Variants in INSM2 observed in about 807,000 individuals in gnomAD.
INSM2 encodes insulinoma-associated protein 2.
A neutral mutation model predicts 30.5 loss-of-function variants in INSM2; 12 were observed. The ratio of observed to expected loss-of-function variants is 0.39; its 90% CI spans 0.25 to 0.64. The LOEUF is 0.64. Ranked by LOEUF, INSM2 falls within the 30% of genes least tolerant of loss-of-function variation. INSM2 has a pLI of 0.47. For missense variants in INSM2, 773 were observed against 819.2 expected (o/e 0.94, Z 0.69); for synonymous variants, 418 against 383.7 (o/e 1.09, Z -1.05).
Position 35,536,061 on chromosome 14 carries a change from GT to G in INSM2, c.*112del, listed in dbSNP as rs2053597396. The stretch of plus-strand genomic sequence containing the variant: ...CAAGTTTACTTTCATTCCTTCCTAT[GT>G]TTTAATCCCCTAAAATTCTCCCTGT... On this transcript the variant is annotated 3_prime_UTR_variant, in exon 1 of 1. Coordinates refer to ENST00000307169, the MANE Select transcript of INSM2 (RefSeq NM_032594.4). The G allele has an allele frequency of 5.2e-6, 7 of 1,356,452 alleles. No homozygotes were observed. Among genetic ancestry groups the G allele is most frequent in the Non-Finnish European group, 7.1e-6 (7 of 989,826 alleles). The allele number at this position is 1,356,452 out of a possible 1,614,324, so 84.0% of individuals were successfully genotyped here. A position where few individuals can be genotyped will look rare whatever the true frequency, so the allele number is the denominator to read the frequency against.
rs1273558407 is a variant in INSM2 at position 35,535,713 on chromosome 14, G to A, written c.1461G>A (p.Lys487=). 1 of 1,613,384 alleles carries A rather than the reference G, an allele frequency of 6.2e-7. No homozygotes were observed. Among genetic ancestry groups the A allele is most frequent in the Admixed American group, 1.7e-5 (1 of 60,036 alleles). The change falls in exon 1 of 1, where the codon AAG becomes AAA. Residue 487 remains lysine (K), a synonymous_variant. Transcript: ENST00000307169. ...AHFPTADIRE[K]HRLWHAVREE... is the part of the protein sequence containing the mutation. ...TCCCTACAGCAGATATCAGGGAGAA[G>A]CACCGGCTGTGGCATGCTGTCCGCG...
chr14:35,535,395 CG>C lies in INSM2; in HGVS notation c.1144del (p.Ala382ProfsTer9), dbSNP rs2053590148. On this transcript the variant is annotated frameshift_variant, in exon 1 of 1. Transcript: ENST00000307169. LOFTEE classifies it high-confidence loss of function. ...SSGADQHPDS[A>X]PRQGLQVLTH... ...CCGGGGCGGATCAGCACCCGGACAGCGCCCCGAGGCAGGGCCTCCAGGTGCT... is the reference window on the plus strand; with the variant it reads ...CCGGGGCGGATCAGCACCCGGACAGCCCCCGAGGCAGGGCCTCCAGGTGCT... 6.2e-7 allele frequency: 1 copy of C among 1,611,302 alleles called. No individual in the cohort carries two copies. Among genetic ancestry groups the C allele is most frequent in the Non-Finnish European group, 8.5e-7 (1 of 1,179,094 alleles).
In INSM2 at chr14:35,534,510, G is replaced by T. The variant is rs1237824356; in HGVS notation, c.258G>T (p.Thr86=). The change falls in exon 1 of 1, where the codon ACG becomes ACT. Residue 86 remains threonine (T), a synonymous_variant. Transcript: ENST00000307169. The stretch of plus-strand genomic sequence containing the variant: ...GGGCGGCTGGGGTGAGCCCGGGGAC[G>T]GGCGGGCGGGAAGGCGCGGAGTGGC... ...PCRAAGVSPG[T]GGREGAEWRA... 15 of 1,412,560 alleles carry T rather than the reference G, an allele frequency of 1.1e-5. No homozygotes were observed. Among genetic ancestry groups the T allele is most frequent in the East Asian group, 3.0e-5 (1 of 33,886 alleles). The allele number at this position is 1,412,560 out of a possible 1,614,324, so 87.5% of individuals were successfully genotyped here. A position where few individuals can be genotyped will look rare whatever the true frequency, so the allele number is the denominator to read the frequency against.
In INSM2 at chr14:35,534,768, C is replaced by T. The variant is rs776103145; in HGVS notation, c.516C>T (p.Phe172=). 9 of 1,416,200 alleles carry T rather than the reference C, an allele frequency of 6.4e-6. No individual in the cohort carries two copies. In the East Asian group the frequency reaches 2.4e-4, roughly 37 times the overall value. The allele number at this position is 1,416,200 out of a possible 1,614,324, so 87.7% of individuals were successfully genotyped here. The change falls in exon 1 of 1, where the codon TTC becomes TTT. Residue 172 remains phenylalanine (F), a synonymous_variant. Coordinates refer to ENST00000307169, the MANE Select transcript of INSM2 (RefSeq NM_032594.4). ...TTCTGCTGCCGCTTCGGGCGCCGTT[C>T]CCAGAGCCCGCGCTTCAGCCGGACC... ...EQFLLPLRAP[F]PEPALQPDPA...
Position 35,535,700 on chromosome 14 carries a change from A to T in INSM2, c.1448A>T (p.Asp483Val). 6.2e-7 allele frequency: 1 copy of T among 1,613,308 alleles called. No homozygotes were observed. Among genetic ancestry groups the T allele is most frequent in the Non-Finnish European group, 8.5e-7 (1 of 1,180,010 alleles). Residue 483 changes from aspartate (D) to valine (V), a missense_variant, in exon 1 of 1, where the codon GAT becomes GTT. Physicochemically the swap from Asp to Val is radical, Grantham distance 152. Transcript: ENST00000307169. ...PLCGAHFPTA[D>V]IREKHRLWHA... ...TGCGGAGCGCACTTCCCTACAGCAG[A>T]TATCAGGGAGAAGCACCGGCTGTGG...
chr14:35,534,440 G>T lies in INSM2; in HGVS notation c.188G>T (p.Gly63Val), dbSNP rs760119142. 1.4e-6 allele frequency: 2 copies of T among 1,479,342 alleles called. No homozygotes were observed. The allele number at this position is 1,479,342 out of a possible 1,614,324, so 91.6% of individuals were successfully genotyped here. ...TPPTREEPGKGLTAEAAREQS... is the reference protein window; with the variant it reads ...TPPTREEPGKVLTAEAAREQS... The stretch of plus-strand genomic sequence containing the variant: ...CCCACCCGAGAGGAACCAGGAAAGG[G>T]GTTGACGGCGGAGGCGGCCCGGGAA... Residue 63 changes from glycine to valine, a missense_variant, in exon 1 of 1, where the codon GGG (glycine) becomes GTG (valine). Coordinates refer to ENST00000307169, the MANE Select transcript of INSM2 (RefSeq NM_032594.4).
chr14:35,535,138 T>G lies in INSM2; in HGVS notation c.886T>G (p.Cys296Gly), dbSNP rs963909922. The G allele has an allele frequency of 6.2e-7, 1 of 1,610,364 alleles. No homozygotes were observed. The highest frequency in any genetic ancestry group is 8.5e-7 in the Non-Finnish European group (1 of 1,178,552). ...GCGCGTAGAGTACCGCTGCCCTGAG[T>G]GCGACAAGGTGTTCAGCTGTCCTGC... ...IVRVEYRCPE[C>G]DKVFSCPANL... The change falls in exon 1 of 1, where the codon TGC (cysteine) becomes GGC (glycine). Residue 296 changes from cysteine (C) to glycine (G), a missense_variant. By Grantham distance (159) the Cys-to-Gly change is radical (BLOSUM62 -3). Transcript: ENST00000307169.
In INSM2 at chr14:35,535,335, G is replaced by T. The variant is rs1406267779; in HGVS notation, c.1083G>T (p.Arg361=). Residue 361 remains arginine (R), a synonymous_variant, in exon 1 of 1, where the codon CGG becomes CGT. Transcript: ENST00000307169. ...AEGKENSRIE[R]TADQHPQARD... ...GAAAGGAGAACAGCCGAATAGAGCG[G>T]ACTGCGGATCAGCACCCGCAGGCCA... 3 of 1,610,728 alleles carry T rather than the reference G, an allele frequency of 1.9e-6. No individual in the cohort carries two copies. The Admixed American group carries it at 5.0e-5, about 27-fold the overall frequency.
rs769365722 is a variant in INSM2, at chr14:35,534,792, C to T, written c.540C>T (p.Asp180=). 26 of 1,451,610 alleles carry T rather than the reference C, an allele frequency of 1.8e-5. No individual in the cohort carries two copies. The highest frequency in any genetic ancestry group is 2.2e-5 in the Non-Finnish European group (24 of 1,107,586). 89.9% of individuals were successfully genotyped at this position (1,451,610 alleles called of 1,614,324 possible). ...TCCCAGAGCCCGCGCTTCAGCCGGA[C>T]CCTGCGCCCCTCTCGGCCGCCCTTC... ...APFPEPALQP[D]PAPLSAALQS... The change falls in exon 1 of 1, where the codon GAC becomes GAT. Residue 180 remains aspartate (D), a synonymous_variant. Transcript: ENST00000307169.
rs766186463 is a variant in INSM2 at position 35,535,771 on chromosome 14, C to G, written c.1519C>G (p.Pro507Ala). The G allele has an allele frequency of 1.2e-6, 2 of 1,613,250 alleles. No homozygotes were observed. Among genetic ancestry groups the G allele is most frequent in the Non-Finnish European group, 8.5e-7 (1 of 1,179,912 alleles). Residue 507 changes from proline to alanine, a missense_variant, in exon 1 of 1, where the codon CCT becomes GCT. Coordinates refer to ENST00000307169, the MANE Select transcript of INSM2 (RefSeq NM_032594.4). ...GCTCCTGCCCGCTCTGGCGGGGGCT[C>G]CTCCCGAAACGTCGGGCCCTAGCGG... is the stretch of plus-strand genomic sequence containing the variant. ...ELLLPALAGA[P>A]PETSGPSGPS...
At position 35,535,971 on chromosome 14, in the gene INSM2, T is replaced by A. The variant is rs2053596709; in HGVS notation, c.*18T>A. 2 of 1,573,314 alleles carry A rather than the reference T, an allele frequency of 1.3e-6. No individual in the cohort carries two copies. The highest frequency in any genetic ancestry group is 8.6e-7 in the Non-Finnish European group (1 of 1,162,746). ...GCTGCTGAGGGACGAGAGACCAGGA[T>A]GATTTCGAGGTTGGCCTTAGAGGAA... On this transcript the variant is annotated 3_prime_UTR_variant, in exon 1 of 1. Transcript: ENST00000307169.
rs1376778049 is a variant in INSM2 at position 35,535,296 on chromosome 14, T to G, written c.1044T>G (p.Ser348=). 2 of 1,612,596 alleles carry G rather than the reference T, an allele frequency of 1.2e-6. No individual in the cohort carries two copies. Among genetic ancestry groups the G allele is most frequent in the African/African-American group, 1.3e-5 (1 of 74,918 alleles). Residue 348 remains serine (S), a synonymous_variant, in exon 1 of 1, where the codon TCT becomes TCG. Coordinates refer to ENST00000307169, the MANE Select transcript of INSM2 (RefSeq NM_032594.4). ...CCCGGGACTCCGGGGCCATTGCATC[T>G]TTTCTGGCGGAGGGAAAGGAGAACA... is the stretch of plus-strand genomic sequence containing the variant. ...SSSRDSGAIA[S]FLAEGKENSR... is the part of the protein sequence containing the mutation.
In INSM2 at chr14:35,534,849, C is replaced by T; in HGVS notation, c.597C>T (p.Arg199=). ...QSLKRAAGGE[R]RGKAPTDCAS... is the part of the protein sequence containing the mutation. ...TGAAGCGGGCGGCCGGCGGCGAGCG[C>T]CGCGGCAAGGCACCCACGGACTGCG... Residue 199 remains arginine (R), a synonymous_variant, in exon 1 of 1, where the codon CGC becomes CGT. Transcript: ENST00000307169. The T allele has an allele frequency of 6.5e-7, 1 of 1,539,832 alleles. No homozygotes were observed. The highest frequency in any genetic ancestry group is 8.7e-7 in the Non-Finnish European group (1 of 1,151,212).
Position 35,535,159 on chromosome 14 carries a change from C to G in INSM2, c.907C>G (p.Pro303Ala). The G allele has an allele frequency of 6.2e-7, 1 of 1,612,394 alleles. No homozygotes were observed. The highest frequency in any genetic ancestry group is 8.5e-7 in the Non-Finnish European group (1 of 1,179,622). Reference protein sequence around the residue: ...CPECDKVFSCPANLASHRRWH... With the variant: ...CPECDKVFSCAANLASHRRWH... ...TGAGTGCGACAAGGTGTTCAGCTGT[C>G]CTGCGAACCTGGCCTCCCATCGCCG... The change falls in exon 1 of 1, where the codon CCT (proline) becomes GCT (alanine). Residue 303 changes from proline to alanine, a missense_variant. Transcript: ENST00000307169.
At position 35,535,567 on chromosome 14, in the gene INSM2, G is replaced by A. The variant is rs2053592145; in HGVS notation, c.1315G>A (p.Ala439Thr). ...TTGCCACAAAAAGTTTCGTCGCCAA[G>A]CCTATCTGCGCAAGCACCTGAGCAC... ...PYCHKKFRRQ[A>T]YLRKHLSTHE... The change falls in exon 1 of 1, where the codon GCC becomes ACC. Residue 439 changes from alanine to threonine, a missense_variant. Coordinates refer to ENST00000307169, the MANE Select transcript of INSM2 (RefSeq NM_032594.4). 6.2e-7 allele frequency: 1 copy of A among 1,613,178 alleles called. No homozygotes were observed. Among genetic ancestry groups the A allele is most frequent in the South Asian group, 1.1e-5 (1 of 91,094 alleles).
In INSM2 at chr14:35,534,823, C is replaced by T; in HGVS notation, c.571C>T (p.Leu191=). The change falls in exon 1 of 1, where the codon CTG becomes TTG. Residue 191 remains leucine (L), a synonymous_variant. Coordinates refer to ENST00000307169, the MANE Select transcript of INSM2 (RefSeq NM_032594.4). Reference sequence around the variant, plus strand: ...GCCCCTCTCGGCCGCCCTTCAGAGTCTGAAGCGGGCGGCCGGCGGCGAGCG... The same window carrying T: ...GCCCCTCTCGGCCGCCCTTCAGAGTTTGAAGCGGGCGGCCGGCGGCGAGCG... ...PAPLSAALQS[L]KRAAGGERRG... is the part of the protein sequence containing the mutation. 6.6e-7 allele frequency: 1 copy of T among 1,508,522 alleles called. No individual in the cohort carries two copies. Among genetic ancestry groups the T allele is most frequent in the South Asian group, 1.3e-5 (1 of 77,482 alleles). 93.4% of individuals were successfully genotyped at this position (1,508,522 alleles called of 1,614,324 possible).
In INSM2 at chr14:35,535,756, G is replaced by T. The variant is rs1014890945; in HGVS notation, c.1504G>T (p.Ala502Ser). The T allele has an allele frequency of 2.0e-5, 32 of 1,613,302 alleles. No homozygotes were observed. In the Admixed American group the frequency reaches 2.5e-4, roughly 13 times the overall value. Residue 502 changes from alanine to serine, a missense_variant, in exon 1 of 1, where the codon GCT becomes TCT. Transcript: ENST00000307169. ...HAVREELLLP[A>S]LAGAPPETSG... ...TGTCCGCGAGGAGCTGCTCCTGCCC[G>T]CTCTGGCGGGGGCTCCTCCCGAAAC...
chr14:35,535,459 A>G lies in INSM2; in HGVS notation c.1207A>G (p.Thr403Ala), dbSNP rs537536250. Residue 403 changes from threonine to alanine, a missense_variant, in exon 1 of 1, where the codon ACG becomes GCG. Coordinates refer to ENST00000307169, the MANE Select transcript of INSM2 (RefSeq NM_032594.4). ...GCCACCGCTGCCTCAGGGCCCCTAC[A>G]CGGAGGGGGTGTTGGGGCGCCGGGT... ...PEPPLPQGPY[T>A]EGVLGRRVPV... The G allele has an allele frequency of 1.9e-6, 3 of 1,612,968 alleles. No individual in the cohort carries two copies. Among genetic ancestry groups the G allele is most frequent in the African/African-American group, 1.3e-5 (1 of 75,052 alleles).
Position 35,535,420 on chromosome 14 carries a change from C to T in INSM2, c.1168C>T (p.Leu390=). ...CGCCCCGAGGCAGGGCCTCCAGGTG[C>T]TGACGCATCCAGAGCCACCGCTGCC... The part of the protein sequence containing the change: ...DSAPRQGLQV[L]THPEPPLPQG... The change falls in exon 1 of 1, where the codon CTG becomes TTG. Residue 390 remains leucine, a synonymous_variant. Transcript: ENST00000307169. 2 of 1,611,998 alleles carry T rather than the reference C, an allele frequency of 1.2e-6. No homozygotes were observed. Among genetic ancestry groups the T allele is most frequent in the Non-Finnish European group, 1.7e-6 (2 of 1,179,362 alleles).
Sources: allele counts gnomAD v4.1 joint callset, GRCh38; gene constraint gnomAD v4.1.1; transcripts MANE v1.5; gene names NCBI Gene and HGNC (gene_info 2026-07-23, HGNC 2026-07-21).